ZC3H6: variants seen among roughly 807,000 people sequenced by gnomAD.
ZC3H6 encodes the protein zinc finger CCCH domain-containing protein 6.
Under a neutral mutation model 107.7 loss-of-function variants are expected in ZC3H6, and 40 were observed. That is an observed-to-expected ratio of 0.37 (90% CI 0.29 to 0.48). ZC3H6 has a LOEUF of 0.48. Ranked by LOEUF, ZC3H6 falls within the 20% of genes least tolerant of loss-of-function variation. The pLI, the probability that ZC3H6 is intolerant of heterozygous loss-of-function variation, is 0.98. For missense variants in ZC3H6, 1,267 were observed against 1,410.4 expected, an observed-to-expected ratio of 0.90 and a Z score of 1.63; for synonymous variants, 493 against 487.9, an observed-to-expected ratio of 1.01 and a Z score of -0.14.
Position 112,332,148 on chromosome 2 carries a change from G to T in ZC3H6, c.3230G>T (p.Ser1077Ile), listed in dbSNP as rs892724635. 1 of 1,613,912 alleles carries T rather than the reference G, an allele frequency of 6.2e-7. No individual in the cohort carries two copies. The highest frequency in any genetic ancestry group is 8.5e-7 in the Non-Finnish European group (1 of 1,179,836). ...GAAAACTCAAAGAACCAGAAAAAAA[G>T]TGGTGGCTTAAAAAGTAGTGACAAA... ...SGENSKNQKKSGGLKSSDKTE... is the reference protein window; with the variant it reads ...SGENSKNQKKIGGLKSSDKTE... The change falls in exon 12 of 12, where the codon AGT becomes ATT. Residue 1077 changes from serine (S) to isoleucine (I), a missense_variant. This residue lies in a region of ZC3H6 where 925 missense variants were observed against 1,025.7 expected (regional missense o/e 0.90). Coordinates refer to ENST00000409871, the MANE Select transcript of ZC3H6 (RefSeq NM_198581.3).
At chr2:112,319,547 G>A (rs1025227622) in intron 7 of ZC3H6, among the ~76,000 whole-genome samples, 55 of 152,208 alleles carry the variant, frequency 3.6e-4, no homozygotes, top group African/African-American at 1.3e-3. Context: ...TTGGGAAGCT[G>A]AGGCAGGAGA....
rs1348714215 is a variant in ZC3H6 at position 112,332,418 on chromosome 2, G to A, written c.3500G>A (p.Arg1167Lys). ...CCGACCCCAGATAATGATCCCGGTA[G>A]AGAAACAGATGACAAATCTCTGAAA... ...GSPTPDNDPG[R>K]ETDDKSLKEV... Residue 1167 changes from arginine (R) to lysine (K), a missense_variant, in exon 12 of 12, where the codon AGA becomes AAA. Coordinates refer to ENST00000409871, the MANE Select transcript of ZC3H6 (RefSeq NM_198581.3). 6 of 1,611,798 alleles carry A rather than the reference G, an allele frequency of 3.7e-6. No homozygotes were observed. Among genetic ancestry groups the A allele is most frequent in the East Asian group, 4.5e-5 (2 of 44,898 alleles).
At position 112,337,334 on chromosome 2, in the gene ZC3H6, T is replaced by C. The variant is rs1390356274; in HGVS notation, c.*4846T>C. On this transcript the variant is annotated 3_prime_UTR_variant, in exon 12 of 12. Transcript: ENST00000409871. Reference sequence around the variant, plus strand: ...TTTTTTTTTAATTTGTTGTTGTTTTTGTTTGAGACAGAGTCTTCATTCTTG... The same window carrying C: ...TTTTTTTTTAATTTGTTGTTGTTTTCGTTTGAGACAGAGTCTTCATTCTTG... The C allele has an allele frequency of 6.6e-6, 1 of 152,100 alleles. No homozygotes were observed. Among genetic ancestry groups the C allele is most frequent in the Non-Finnish European group, 1.5e-5 (1 of 68,024 alleles). 9.4% of individuals were successfully genotyped at this position (152,100 alleles called of 1,614,324 possible).
chr2:112,331,683 A>C lies in ZC3H6; in HGVS notation c.2765A>C (p.His922Pro), dbSNP rs776983350. The C allele has an allele frequency of 5.0e-6, 8 of 1,613,974 alleles. No individual in the cohort carries two copies. Among genetic ancestry groups the C allele is most frequent in the Non-Finnish European group, 6.8e-6 (8 of 1,179,896 alleles). ...TTATGGAATACAAAAAGTGATCTTC[A>C]TCAAAATACAGTGTCCATTGATCCA... Reference protein sequence around the residue: ...NRLWNTKSDLHQNTVSIDPKL... With the variant: ...NRLWNTKSDLPQNTVSIDPKL... Residue 922 changes from histidine (H) to proline (P), a missense_variant, in exon 12 of 12, where the codon CAT becomes CCT. His to Pro is a moderately conservative substitution (Grantham distance 77). Around this residue, in one of 3 missense-constraint regions of ZC3H6, gnomAD observed 925 missense variants for 1,025.7 expected, o/e 0.90. Coordinates refer to ENST00000409871, the MANE Select transcript of ZC3H6 (RefSeq NM_198581.3).
intron 1 of ZC3H6, among the ~76,000 whole-genome samples, chr2:112,282,622 C>T (rs765150226): frequency 9.9e-5 from 15 of 152,174 alleles, no homozygotes; most frequent in Non-Finnish European, 2.1e-4. Flanking sequence ...AGAGCCCACT[C>T]TCTTATCTAA....
chr2:112,287,252 G>A (rs1279609656), intron 1 of ZC3H6, among the ~76,000 whole-genome samples: 2 of 152,024 alleles, frequency 1.3e-5, no homozygotes, highest in Non-Finnish European at 2.9e-5. Flanking sequence ...CCTAAATCAA[G>A]AGGATAATTT....
chr2:112,288,847 T>C (rs945423888), intron 1 of ZC3H6, among the ~76,000 whole-genome samples: 3 of 72,652 alleles, frequency 4.1e-5, no homozygotes, highest in African/African-American at 4.6e-5. Flanking sequence ...TCTCTAACTT[T>C]AGGTAGAAAT....
intron 3 of ZC3H6, among the ~76,000 whole-genome samples, chr2:112,308,615 A>G (rs948520691): frequency 6.7e-5 from 10 of 150,100 alleles, no homozygotes; most frequent in Middle Eastern, 3.2e-3. Context: ...ATTTTTTGGT[A>G]GAGACGGTGT....
rs531335824 is a variant in ZC3H6 at position 112,292,275 on chromosome 2, C to T, written c.33-7574C>T. 1.4e-4 allele frequency among the ~76,000 whole-genome samples: 22 copies of T among 152,296 alleles called. No homozygotes were observed. The South Asian group carries it at 1.7e-3, about 11-fold the overall frequency. ...CCTGTAGAAGTAGAGCAGATGATTA[C>T]GTATTCACTGCTATATGGCTTATTA... On this transcript the variant is annotated intron_variant, in intron 1 of 11. Coordinates refer to ENST00000409871, the MANE Select transcript of ZC3H6 (RefSeq NM_198581.3).
At position 112,294,088 on chromosome 2, in the gene ZC3H6, G is replaced by GGTAAGAAATA. The variant is rs1676172765; in HGVS notation, c.33-5759_33-5750dup. On this transcript the variant is annotated intron_variant, in intron 1 of 11. Coordinates refer to ENST00000409871, the MANE Select transcript of ZC3H6 (RefSeq NM_198581.3). Reference sequence around the variant, plus strand: ...CAGGCTCCCACAAAATATGGAGGTTGGTAAGAAATAGCCTTGTAGCAGCAC... The same window carrying GGTAAGAAATA: ...CAGGCTCCCACAAAATATGGAGGTTGGTAAGAAATAGTAAGAAATAGCCTTGTAGCAGCAC... 3.9e-5 allele frequency among the ~76,000 whole-genome samples: 6 copies of GGTAAGAAATA among 152,290 alleles called. 1 individual carries two copies. The South Asian group carries it at 1.2e-3, about 32-fold the overall frequency.
chr2:112,278,369 G>A (rs547692461), intron 1 of ZC3H6, among the ~76,000 whole-genome samples: 18 of 152,166 alleles, frequency 1.2e-4, no homozygotes, highest in South Asian at 6.2e-4. Flanking sequence ...CCAGGCTGGA[G>A]TGCAGTGGCA....
intron 1 of ZC3H6, among the ~76,000 whole-genome samples, chr2:112,277,311 C>G (rs1686444996): frequency 6.6e-6 from 1 of 151,900 alleles, no homozygotes; most frequent in African/African-American, 2.4e-5. Context: ...AAAGGAAATT[C>G]TTAGAATGGG....
chr2:112,294,176 G>A lies in ZC3H6; in HGVS notation c.33-5673G>A, dbSNP rs554798402. 5.1e-4 allele frequency among the ~76,000 whole-genome samples: 77 copies of A among 152,306 alleles called. 1 individual carries two copies. In the South Asian group the frequency reaches 0.015, roughly 30 times the overall value. On this transcript the variant is annotated intron_variant, in intron 1 of 11. Transcript: ENST00000409871. ...CACAGAGCATTCTGCCAAAGCTTAG[G>A]TCAGCCTATCGTTGGGCTTACGTAA... is the stretch of plus-strand genomic sequence containing the variant.
In ZC3H6 at chr2:112,275,902, G is replaced by A; in HGVS notation, c.-93G>A. 8.5e-7 allele frequency: 1 copy of A among 1,175,248 alleles called. No individual in the cohort carries two copies. The highest frequency in any genetic ancestry group is 1.2e-6 in the Non-Finnish European group (1 of 854,330). The allele number at this position is 1,175,248 out of a possible 1,614,324, so 72.8% of individuals were successfully genotyped here. On this transcript the variant is annotated 5_prime_UTR_variant, in exon 1 of 12. Coordinates refer to ENST00000409871, the MANE Select transcript of ZC3H6 (RefSeq NM_198581.3). ...ACCTGTCGGCGGCGGCCGGGAGCAG[G>A]TTCCCGCAGGCGGCGCGGGGGGTCT...
chr2:112,276,619 T>C (rs1030746731), intron 1 of ZC3H6, among the ~76,000 whole-genome samples: 15 of 152,172 alleles, frequency 9.9e-5, no homozygotes, highest in Non-Finnish European at 8.8e-5. Flanking sequence ...TAGCACAGTT[T>C]TACCCTAACG....
chr2:112,302,392 A>G (rs1676397174), intron 2 of ZC3H6, among the ~76,000 whole-genome samples: 1 of 152,162 alleles, frequency 6.6e-6, no homozygotes, highest in South Asian at 2.1e-4. Context: ...TTCCTAAAAT[A>G]ACATTTCAGG....
chr2:112,335,868 C>G lies in ZC3H6; in HGVS notation c.*3380C>G, dbSNP rs1394880396. On this transcript the variant is annotated 3_prime_UTR_variant, in exon 12 of 12. Transcript: ENST00000409871. ...CTTCCCTGCCTTAGAGCTATATAGA[C>G]TTGGGCCTCTTCAAGATCTGACTTC... is the stretch of plus-strand genomic sequence containing the variant. 1.3e-5 allele frequency: 2 copies of G among 152,144 alleles called. No homozygotes were observed. Among genetic ancestry groups the G allele is most frequent in the African/African-American group, 2.4e-5 (1 of 41,422 alleles). 9.4% of individuals were successfully genotyped at this position (152,144 alleles called of 1,614,324 possible).
intron 1 of ZC3H6, among the ~76,000 whole-genome samples, chr2:112,284,405 T>G (rs1461588362): frequency 1.3e-5 from 2 of 151,794 alleles, no homozygotes; most frequent in African/African-American, 4.8e-5. Flanking sequence ...TTGTTAAAGC[T>G]GGAGCAGAAG....
chr2:112,324,031 AAC>A (rs1307430242), intron 9 of ZC3H6, 119 bp from the exon 10 acceptor site: 1 of 1,101,154 alleles, frequency 9.1e-7, no homozygotes, highest in Admixed American at 2.8e-5. Context: ...TTGCTTCTTA[AAC>A]ACACAGTATT....
Sources: allele counts gnomAD v4.1 joint callset (sites outside exome capture counted in the v4.1 genomes callset), GRCh38; gene constraint gnomAD v4.1.1; regional missense constraint gnomAD v4.1.1; transcripts MANE v1.5; gene names NCBI Gene and HGNC (gene_info 2026-07-23, HGNC 2026-07-21).